The following PTPRB variants were observed in gnomAD, a reference collection of about 807,000 sequenced individuals.
The protein encoded by PTPRB is receptor-type tyrosine-protein phosphatase beta.
A neutral mutation model predicts 238.1 loss-of-function variants in PTPRB; 97 were observed. The observed-to-expected ratio is 0.41, with a 90% CI of 0.35 to 0.48. The LOEUF (loss-of-function observed/expected upper bound fraction) is 0.48, where lower values mean the gene tolerates loss of function less well. Among genes scored for constraint, PTPRB ranks in the 20% least tolerant of loss-of-function variants. The pLI, the probability that PTPRB is intolerant of heterozygous loss-of-function variation, is 0.30. For missense variants in PTPRB, 2,292 were observed against 2,681.9 expected, an observed-to-expected ratio of 0.85 and a Z score of 3.21; for synonymous variants, 970 against 995.4, an observed-to-expected ratio of 0.97 and a Z score of 0.48.
intron 9 of PTPRB, chr12:70,584,836 G>A (rs1881728536): frequency 6.6e-6 from 1 of 151,908 alleles, no homozygotes; most frequent in Non-Finnish European, 1.5e-5. Flanking sequence ...AAAAAAGGTA[G>A]TAAATTGGTA....
chr12:70,629,226 G>C (rs2717421), intron 2 of PTPRB, among the ~76,000 whole-genome samples: 53,746 of 151,918 alleles, frequency 0.35, 12,629 homozygotes, highest in African/African-American at 0.64. Flanking sequence ...TGTAAAAGAA[G>C]AGAAATCACA....
chr12:70,604,370 G>A (rs1442564320), intron 4 of PTPRB, among the ~76,000 whole-genome samples: 1 of 152,200 alleles, frequency 6.6e-6, no homozygotes, highest in Non-Finnish European at 1.5e-5. Flanking sequence ...AAGAAGAATT[G>A]TATCAAAATC....
intron 18 of PTPRB, among the ~76,000 whole-genome samples, chr12:70,557,186 A>T (rs1877816945): frequency 6.6e-6 from 1 of 152,154 alleles, no homozygotes; most frequent in African/African-American, 2.4e-5. Flanking sequence ...CCAGGTACCA[A>T]AGGAGGAGGT....
chr12:70,631,753 T>C (rs1427132583), intron 2 of PTPRB, among the ~76,000 whole-genome samples: 1 of 151,844 alleles, frequency 6.6e-6, no homozygotes, highest in Non-Finnish European at 1.5e-5. Context: ...AACAACCCCA[T>C]CAAAAAGTGG....
rs1488477842 is a variant in PTPRB at position 70,626,358 on chromosome 12, T to TTC, written c.452-3713_452-3712insGA. The stretch of plus-strand genomic sequence containing the variant: ...ATCTATCTATCTATCTATCTATCTA[T>TTC]CTATCTATATTCCTGCCTGCCTGCC... On this transcript the variant is annotated intron_variant, in intron 2 of 33. Transcript: ENST00000334414. Among the ~76,000 whole-genome samples the TTC allele has an allele frequency of 4.8e-3, 642 of 134,680 alleles. 2 individuals are homozygous for TTC. Among genetic ancestry groups the TTC allele is most frequent in the South Asian group, 9.2e-3 (40 of 4,330 alleles). The allele number at this position is 134,680 out of a possible 152,430, so 88.4% of individuals were successfully genotyped here.
chr12:70,558,421 A>G (rs764875179), intron 18 of PTPRB, among the ~76,000 whole-genome samples: 41 of 152,222 alleles, frequency 2.7e-4, no homozygotes, highest in Non-Finnish European at 4.7e-4. Flanking sequence ...ACTTTCAACT[A>G]TGTATTTTAT....
In PTPRB at chr12:70,596,337, A is replaced by G; in HGVS notation, c.980-10T>C. On this transcript the variant is annotated splice_polypyrimidine_tract_variant and intron_variant, in intron 4 of 33. Coordinates refer to ENST00000334414, the MANE Select transcript of PTPRB (RefSeq NM_001109754.4). ...GCAGGAGGTAAAGGATCTGCAAGGC[A>G]AATACACACACACACACAAAAAAAA... The G allele has an allele frequency of 6.9e-7, 1 of 1,455,880 alleles. No homozygotes were observed. Among genetic ancestry groups the G allele is most frequent in the Non-Finnish European group, 9.0e-7 (1 of 1,107,014 alleles). 90.2% of individuals were successfully genotyped at this position (1,455,880 alleles called of 1,614,324 possible).
intron 3 of PTPRB, among the ~76,000 whole-genome samples, chr12:70,612,943 T>C (rs1441427253): frequency 6.6e-6 from 1 of 152,154 alleles, no homozygotes; most frequent in African/African-American, 2.4e-5. Context: ...GCCCAGATTG[T>C]GCCACTGCAC....
intron 3 of PTPRB, among the ~76,000 whole-genome samples, chr12:70,617,156 C>T (rs955628598): frequency 1.3e-5 from 2 of 152,156 alleles, no homozygotes; most frequent in East Asian, 1.9e-4. Flanking sequence ...CAATGCAAAT[C>T]GCCCATCACT....
At chr12:70,604,528 A>G (rs926262109) in intron 4 of PTPRB, among the ~76,000 whole-genome samples, 3 of 152,206 alleles carry the variant, frequency 2.0e-5, no homozygotes, top group African/African-American at 7.2e-5. Context: ...GAAACCAAGA[A>G]TATGTTTTCA....
intron 21 of PTPRB, among the ~76,000 whole-genome samples, chr12:70,549,494 G>C (rs1189343331): frequency 6.6e-6 from 1 of 152,162 alleles, no homozygotes; most frequent in African/African-American, 2.4e-5. Flanking sequence ...AACAATGAAT[G>C]AAACACATTA....
rs995291533 is a variant in PTPRB, at chr12:70,519,080, A to T, written c.*2409T>A. Reference sequence around the variant, plus strand: ...GAATAGTGAAATATTTGTTGCTAAGAAGGTTTAAAATTAGGTGTAGGGTAG... The same window carrying T: ...GAATAGTGAAATATTTGTTGCTAAGTAGGTTTAAAATTAGGTGTAGGGTAG... On this transcript the variant is annotated 3_prime_UTR_variant, in exon 34 of 34. Transcript: ENST00000334414. The T allele has an allele frequency of 2.0e-5, 3 of 152,156 alleles. No homozygotes were observed. The highest frequency in any genetic ancestry group is 2.0e-4 in the Admixed American group (3 of 15,268). 9.4% of individuals were successfully genotyped at this position (152,156 alleles called of 1,614,324 possible).
intron 33 of PTPRB, 25 bp downstream of exon 33, chr12:70,524,446 G>T (rs1872041180): frequency 1.0e-5 from 16 of 1,573,514 alleles, no homozygotes; most frequent in Non-Finnish European, 1.4e-5. Flanking sequence ...AGAAACTTGG[G>T]GAAGTAAGTG....
intron 30 of PTPRB, 34 bp from the exon 31 acceptor site, chr12:70,534,685 T>G (rs1490878180): frequency 6.2e-7 from 1 of 1,606,520 alleles, no homozygotes; most frequent in South Asian, 1.1e-5. Flanking sequence ...AAAGAGGAAC[T>G]GTCCAATGCA....
At chr12:70,594,328 A>G (rs563319301) in intron 6 of PTPRB, 139 bp downstream of exon 6, 3 of 1,181,796 alleles carry the variant, frequency 2.5e-6, no homozygotes, top group East Asian at 2.5e-5. Flanking sequence ...TTCTGAGTAG[A>G]AAAGTGGATA....
intron 6 of PTPRB, among the ~76,000 whole-genome samples, chr12:70,593,114 TAA>T (rs1278724796): frequency 1.3e-5 from 2 of 152,246 alleles, no homozygotes; most frequent in Admixed American, 6.5e-5. Context: ...TAAATCATGA[TAA>T]AGTTAATGAG....
chr12:70,542,415 TA>T (rs35381823), intron 22 of PTPRB: 4,736 of 151,840 alleles, frequency 0.031, 161 homozygotes, highest in East Asian at 0.15. Context: ...TTGTCTCTAC[TA>T]AAAATACAAA....
At chr12:70,636,592 C>CA (rs1431688263) in intron 1 of PTPRB, among the ~76,000 whole-genome samples, 15 of 152,166 alleles carry the variant, frequency 9.9e-5, no homozygotes, top group African/African-American at 3.6e-4. Context: ...ATACATTTAT[C>CA]AAAAAATAAA....
At chr12:70,572,697 A>G (rs1026200137) in intron 11 of PTPRB, among the ~76,000 whole-genome samples, 1 of 149,898 alleles carries the variant, frequency 6.7e-6, no homozygotes, top group Non-Finnish European at 1.5e-5. Flanking sequence ...TGAACCCAGG[A>G]GGCACAGGTT....
Sources: gnomAD v4.1 joint callset for allele counts (sites outside exome capture counted in the v4.1 genomes callset) on GRCh38, gnomAD v4.1.1 for gene constraint, MANE v1.5 for transcripts, NCBI Gene and HGNC (gene_info 2026-07-23, HGNC 2026-07-21) for gene names.